The following PCDH11Y variants were observed in gnomAD, a reference collection of about 807,000 sequenced individuals.
The protein encoded by PCDH11Y is protocadherin 11 Y-linked.
For missense variants in PCDH11Y, 12 were observed against 224.8 expected (o/e 0.05, Z 6.05); for synonymous variants, 9 against 83.6 (o/e 0.11, Z 4.87).
At chrY:5,175,088 G>A in intron 2 of PCDH11Y, among the ~76,000 whole-genome samples, 1 of 23,043 alleles carries the variant, frequency 4.3e-5, no homozygotes, top group East Asian at 1.1e-3. Flanking sequence ...TGGCCATTCT[G>A]TGTATTAAAT....
chrY:5,439,118 G>A (rs2053277906), intron 2 of PCDH11Y, among the ~76,000 whole-genome samples: 56 of 33,023 alleles, frequency 1.7e-3, no homozygotes, highest in Non-Finnish European at 3.7e-3. Flanking sequence ...CAAAGGACAC[G>A]ATCTCTTTCT....
intron 2 of PCDH11Y, among the ~76,000 whole-genome samples, chrY:5,351,295 AGTGTGTGT>A (rs756307805): frequency 3.2e-4 from 7 of 21,947 alleles, no homozygotes; most frequent in African/African-American, 8.6e-4. Context: ...ATATGTGGGG[AGTGTGTGT>A]GTGTGTGTGT....
chrY:5,001,746 C>A (rs207480088), intron 1 of PCDH11Y, among the ~76,000 whole-genome samples: 5 of 34,656 alleles, frequency 1.4e-4, no homozygotes, highest in African/African-American at 5.6e-4. Context: ...TAGTCGCAAA[C>A]GGACTGAGGG....
intron 2 of PCDH11Y, among the ~76,000 whole-genome samples, chrY:5,247,258 C>A: frequency 3.0e-5 from 1 of 33,300 alleles, no homozygotes; most frequent in Non-Finnish European, 7.4e-5. Context: ...GAACTCTCCA[C>A]CAAAAATCAA....
intron 4 of PCDH11Y, among the ~76,000 whole-genome samples, chrY:5,720,271 G>A: frequency 6.7e-5 from 2 of 29,776 alleles, no homozygotes; most frequent in East Asian, 8.9e-4. Flanking sequence ...TGAGATTTGG[G>A]AGTTGCCAGG....
intron 3 of PCDH11Y, among the ~76,000 whole-genome samples, chrY:5,046,544 G>C (rs376474485): frequency 2.9e-5 from 1 of 34,049 alleles, no homozygotes; most frequent in Non-Finnish European, 7.3e-5. Flanking sequence ...TGAAGTCTGC[G>C]GAGGTTACTG....
chrY:5,559,387 T>C, intron 3 of PCDH11Y, among the ~76,000 whole-genome samples: 1 of 33,672 alleles, frequency 3.0e-5, no homozygotes. Context: ...CTCTTTCCTA[T>C]ATAGTGTGCA....
intron 1 of PCDH11Y, among the ~76,000 whole-genome samples, chrY:5,010,443 TCA>T (rs2052547669): frequency 8.5e-5 from 1 of 11,738 alleles, no homozygotes; most frequent in African/African-American, 3.5e-4. Context: ...AAGAATTTGC[TCA>T]GTTTGTCAGT....
intron 2 of PCDH11Y, among the ~76,000 whole-genome samples, chrY:5,202,880 T>C (rs2052928317): frequency 3.1e-5 from 1 of 31,997 alleles, no homozygotes; most frequent in Admixed American, 2.9e-4. Context: ...ATAATTCCTA[T>C]GTGAAGAGTT....
At chrY:5,497,999 G>A in intron 2 of PCDH11Y, among the ~76,000 whole-genome samples, 2 of 32,171 alleles carry the variant, frequency 6.2e-5, no homozygotes, top group Non-Finnish European at 1.5e-4. Context: ...TCCTGGGTGG[G>A]GGCCACAAGA....
At chrY:5,211,867 G>A in intron 2 of PCDH11Y, among the ~76,000 whole-genome samples, 3 of 32,840 alleles carry the variant, frequency 9.1e-5, no homozygotes, top group African/African-American at 1.2e-4. Flanking sequence ...TGGAACTCCT[G>A]ACCTCAAGTG....
At chrY:5,254,651 T>C in intron 2 of PCDH11Y, among the ~76,000 whole-genome samples, 2 of 32,778 alleles carry the variant, frequency 6.1e-5, no homozygotes, top group Non-Finnish European at 1.5e-4. Flanking sequence ...GCTTCACAAG[T>C]AGCTGGGACT....
intron 2 of PCDH11Y, among the ~76,000 whole-genome samples, chrY:5,165,186 C>A (rs2124644802): frequency 1.3e-4 from 4 of 31,172 alleles, no homozygotes; most frequent in African/African-American, 5.0e-4. Context: ...TGGATTGCCA[C>A]TGTCAACTAA....
rs1569348683 is a variant in PCDH11Y, at chrY:5,598,788, T to C, written c.3352+16990T>C. 1.5e-4 allele frequency among the ~76,000 whole-genome samples: 5 copies of C among 33,364 alleles called. No individual in the cohort carries two copies. In the East Asian group the frequency reaches 4.0e-3, roughly 26 times the overall value. The allele number at this position is 33,364 out of a possible 37,273, so 89.5% of individuals were successfully genotyped here. ...TTTTTTCTGTCAACACAGCAAAAAT[T>C]GAAAATATGTAAAAAGTGTTACTAA... On this transcript the variant is annotated intron_variant, in intron 4 of 4. Transcript: ENST00000400457.
intron 2 of PCDH11Y, among the ~76,000 whole-genome samples, chrY:5,212,525 A>G (rs2052940347): frequency 3.2e-5 from 1 of 31,661 alleles, no homozygotes; most frequent in Non-Finnish European, 7.7e-5. Flanking sequence ...ATATAATGGC[A>G]CTTTTGTTGT....
At chrY:5,142,912 A>G (rs2052852621) in intron 2 of PCDH11Y, among the ~76,000 whole-genome samples, 1 of 33,744 alleles carries the variant, frequency 3.0e-5, no homozygotes, top group Non-Finnish European at 7.4e-5. Flanking sequence ...CGTGAAAGTG[A>G]TGTGGGTGGA....
At chrY:5,647,585 C>A in intron 4 of PCDH11Y, among the ~76,000 whole-genome samples, 1 of 33,659 alleles carries the variant, frequency 3.0e-5, no homozygotes, top group African/African-American at 1.2e-4. Flanking sequence ...TGGCTTACCG[C>A]AACCTCCGCC....
chrY:5,130,829 A>AC (rs2052833123), intron 2 of PCDH11Y, among the ~76,000 whole-genome samples: 15 of 31,690 alleles, frequency 4.7e-4, no homozygotes, highest in African/African-American at 1.7e-3. Flanking sequence ...GTTGCAGTGA[A>AC]CAAGATCGTG....
intron 4 of PCDH11Y, among the ~76,000 whole-genome samples, chrY:5,652,555 A>G (rs2053532434): frequency 3.0e-5 from 1 of 32,995 alleles, no homozygotes; most frequent in African/African-American, 1.2e-4. Flanking sequence ...CCTACTTAAC[A>G]TAAAAGAATA....
Sources: allele counts gnomAD v4.1 joint callset (sites outside exome capture counted in the v4.1 genomes callset), GRCh38; gene constraint gnomAD v4.1.1; transcripts MANE v1.5; gene names NCBI Gene and HGNC (gene_info 2026-07-23, HGNC 2026-07-21).